The following NPSR1 variants were observed in gnomAD, a reference collection of about 807,000 sequenced individuals.
NPSR1 encodes the protein neuropeptide S receptor 1.
NPSR1 carries 48 observed loss-of-function variants against 46.9 expected under a neutral mutation model. That is an observed-to-expected ratio of 1.02 (90% CI 0.81 to 1.30). The LOEUF (loss-of-function observed/expected upper bound fraction) is 1.30. Among genes scored for constraint, NPSR1 ranks in the 50% most tolerant of loss-of-function variants. The pLI is 0.00. For missense variants in NPSR1, 450 were observed against 449.5 expected, an observed-to-expected ratio of 1.00 and a Z score of -0.01; for synonymous variants, 176 against 168.1, an observed-to-expected ratio of 1.05 and a Z score of -0.36.
chr7:34,693,310 A>C (rs1210083447), intron 2 of NPSR1, among the ~76,000 whole-genome samples: 1 of 140,140 alleles, frequency 7.1e-6, no homozygotes. Flanking sequence ...AATGCAGTGA[A>C]ATTACAACTG....
rs199827574 is a variant in NPSR1, at chr7:34,847,092, G to T, written c.845-1391G>T. On this transcript the variant is annotated intron_variant, in intron 7 of 8. Coordinates refer to ENST00000360581, the MANE Select transcript of NPSR1 (RefSeq NM_207172.2). ...GGATCCAGAACACTTAGTGGGTTTT[G>T]TGTTTGAATTGCTCCTCTTTAATAC... Among the ~76,000 whole-genome samples, 4 of 152,296 alleles carry T rather than the reference G, an allele frequency of 2.6e-5. No individual in the cohort carries two copies. In the East Asian group the frequency reaches 7.7e-4, roughly 29 times the overall value.
chr7:34,802,286 G>A (rs1466129422), intron 3 of NPSR1, among the ~76,000 whole-genome samples: 15 of 150,260 alleles, frequency 1.0e-4, no homozygotes, highest in Admixed American at 9.9e-4. Flanking sequence ...GAACAAAGCT[G>A]GAGGCATCAC....
intron 2 of NPSR1, among the ~76,000 whole-genome samples, chr7:34,743,477 G>A (rs1785052971): frequency 6.7e-6 from 1 of 149,994 alleles, no homozygotes; most frequent in Non-Finnish European, 1.5e-5. Context: ...GTCTCACTCT[G>A]TCACCCAGGC....
intron 4 of NPSR1, among the ~76,000 whole-genome samples, chr7:34,823,208 T>C (rs1789643496): frequency 2.0e-5 from 3 of 151,870 alleles, no homozygotes; most frequent in Admixed American, 1.3e-4. Flanking sequence ...CTGGCCAACA[T>C]AGTGAAACCC....
Position 34,811,816 on chromosome 7 carries a change from T to A in NPSR1, c.431T>A (p.Ile144Lys). Residue 144 changes from isoleucine to lysine, a missense_variant, in exon 4 of 9, where the codon ATA becomes AAA. Physicochemically the swap from Ile to Lys is moderately radical, Grantham distance 102. Coordinates refer to ENST00000360581, the MANE Select transcript of NPSR1 (RefSeq NM_207172.2). ...ACCTACGTCCTGGTGTCCCTCAGCATAGACAGATACCATGCCATCGTCTAC... is the reference window on the plus strand; with the variant it reads ...ACCTACGTCCTGGTGTCCCTCAGCAAAGACAGATACCATGCCATCGTCTAC... ...ASTYVLVSLS[I>K]DRYHAIVYPM... 1 of 1,613,730 alleles carries A rather than the reference T, an allele frequency of 6.2e-7. No individual in the cohort carries two copies. The highest frequency in any genetic ancestry group is 8.5e-7 in the Non-Finnish European group (1 of 1,179,890).
rs567440886 is a variant in NPSR1, at chr7:34,766,579, T to C, written c.281-11883T>C. The stretch of plus-strand genomic sequence containing the variant: ...TTTCAAAGGCATTATGATGAATTAT[T>C]TTTTTTTTTTTGAGATGGAGTCTCA... On this transcript the variant is annotated intron_variant, in intron 2 of 8. Transcript: ENST00000360581. 4.4e-3 allele frequency among the ~76,000 whole-genome samples: 522 copies of C among 118,134 alleles called. 3 individuals are homozygous for C. The highest frequency in any genetic ancestry group is 0.013 in the African/African-American group (508 of 37,948). The allele number at this position is 118,134 out of a possible 152,430, so 77.5% of individuals were successfully genotyped here.
At position 34,844,763 on chromosome 7, in the gene NPSR1, G is replaced by A. The variant is rs1031265891; in HGVS notation, c.758-133G>A. Reference sequence around the variant, plus strand: ...CAACTTTAATCTAAAAATTTCCAAGGAAGGCCATCTGGGCATAAATGCACA... The same window carrying A: ...CAACTTTAATCTAAAAATTTCCAAGAAAGGCCATCTGGGCATAAATGCACA... On this transcript the variant is annotated intron_variant, in intron 6 of 8. Transcript: ENST00000360581. The A allele has an allele frequency of 2.5e-5, 17 of 670,720 alleles. No homozygotes were observed. In the South Asian group the frequency reaches 3.0e-4, roughly 12 times the overall value. 41.5% of individuals were successfully genotyped at this position (670,720 alleles called of 1,614,324 possible). A position where few individuals can be genotyped will look rare whatever the true frequency, so the allele number is the denominator to read the frequency against.
At chr7:34,847,623 G>A (rs558764971) in intron 7 of NPSR1, among the ~76,000 whole-genome samples, 36 of 152,250 alleles carry the variant, frequency 2.4e-4, no homozygotes, top group African/African-American at 7.2e-4. Flanking sequence ...GTCCTAGCTC[G>A]AAGACAGGCA....
At chr7:34,827,313 C>T in intron 4 of NPSR1, 88 bp from the exon 5 acceptor site, 1 of 1,148,172 alleles carries the variant, frequency 8.7e-7, no homozygotes, top group Non-Finnish European at 1.3e-6. Flanking sequence ...GTGGCTGCCC[C>T]ACAGTGATCC....
chr7:34,805,386 T>A (rs1788644340), intron 3 of NPSR1, among the ~76,000 whole-genome samples: 1 of 145,596 alleles, frequency 6.9e-6, no homozygotes, highest in Non-Finnish European at 1.5e-5. Context: ...AAAAAGATAG[T>A]CAACTAGTCT....
At chr7:34,681,422 A>T (rs183610411) in intron 1 of NPSR1, among the ~76,000 whole-genome samples, 212 of 152,260 alleles carry the variant, frequency 1.4e-3, no homozygotes, top group Middle Eastern at 6.8e-3. Context: ...TTCACCCTAC[A>T]TCCATGAACA....
chr7:34,838,913 T>C (rs1268896614), intron 6 of NPSR1, among the ~76,000 whole-genome samples: 1 of 152,178 alleles, frequency 6.6e-6, no homozygotes, highest in South Asian at 2.1e-4. Context: ...CAGACAAATT[T>C]CTCGTTATAA....
At chr7:34,787,902 A>G (rs1787535802) in intron 3 of NPSR1, among the ~76,000 whole-genome samples, 1 of 152,090 alleles carries the variant, frequency 6.6e-6, no homozygotes, top group Non-Finnish European at 1.5e-5. Context: ...AATAATAACA[A>G]TAATGAAAAA....
At chr7:34,787,094 C>A (rs1787499461) in intron 3 of NPSR1, among the ~76,000 whole-genome samples, 2 of 152,134 alleles carry the variant, frequency 1.3e-5, no homozygotes, top group Admixed American at 6.6e-5. Flanking sequence ...GCATCTTCTT[C>A]TAGTATTTTA....
intron 4 of NPSR1, among the ~76,000 whole-genome samples, chr7:34,823,405 A>G (rs796702629): frequency 3.4e-4 from 46 of 137,096 alleles, no homozygotes; most frequent in African/African-American, 1.5e-3. Flanking sequence ...ACCAGAAAAA[A>G]AAAAAAAAAA....
At chr7:34,819,957 A>C (rs1436690283) in intron 4 of NPSR1, among the ~76,000 whole-genome samples, 1 of 152,234 alleles carries the variant, frequency 6.6e-6, no homozygotes, top group East Asian at 1.9e-4. Context: ...GCGTTAGCAG[A>C]AATAGCTAAT....
chr7:34,753,683 G>A (rs1785663091), intron 2 of NPSR1: 1 of 152,086 alleles, frequency 6.6e-6, no homozygotes, highest in South Asian at 2.1e-4. Context: ...AACAGCCACT[G>A]CACTACAATG....
At chr7:34,670,225 T>G (rs1038093269) in intron 1 of NPSR1, among the ~76,000 whole-genome samples, 1 of 152,080 alleles carries the variant, frequency 6.6e-6, no homozygotes. Flanking sequence ...TAAATGTATA[T>G]CCACAGTAAG....
At chr7:34,740,915 G>C (rs1351480712) in intron 2 of NPSR1, among the ~76,000 whole-genome samples, 1 of 152,092 alleles carries the variant, frequency 6.6e-6, no homozygotes. Flanking sequence ...ATCTAGTCCT[G>C]CCTCCTGTCC....
Sources: gnomAD v4.1 joint callset for allele counts (sites outside exome capture counted in the v4.1 genomes callset) on GRCh38, gnomAD v4.1.1 for gene constraint, MANE v1.5 for transcripts, NCBI Gene and HGNC (gene_info 2026-07-23, HGNC 2026-07-21) for gene names.